ARRDC2: variants seen among roughly 807,000 people sequenced by gnomAD.
ARRDC2 encodes arrestin domain-containing protein 2.
A neutral mutation model predicts 38.9 loss-of-function variants in ARRDC2; 39 were observed. The observed-to-expected ratio is 1.00, with a 90% confidence interval of 0.78 to 1.31. ARRDC2 has a LOEUF of 1.31. ARRDC2 is among the 50% of genes most tolerant of loss of function. The probability of loss-of-function intolerance (pLI) is 0.00; values close to 1 mark genes in which losing one functional copy is unlikely to be tolerated. For synonymous variants in ARRDC2, 300 were observed against 261.9 expected (o/e 1.15, Z -1.41); for missense variants, 553 against 588.4 (o/e 0.94, Z 0.62).
chr19:18,010,012 C>T lies in ARRDC2; in HGVS notation c.822C>T (p.Arg274=). The T allele has an allele frequency of 3.1e-6, 5 of 1,596,740 alleles. No individual in the cohort carries two copies. Among genetic ancestry groups the T allele is most frequent in the Non-Finnish European group, 4.2e-6 (5 of 1,177,564 alleles). The change falls in exon 5 of 8, where the codon CGC becomes CGT. Residue 274 remains arginine, a synonymous_variant. Coordinates refer to ENST00000222250, the MANE Select transcript of ARRDC2 (RefSeq NM_015683.2). ...TGGGTCCTTCCATCCTGCACTGCCG[C>T]GTTCTACACGTGGACTACGCACTCA... The part of the protein sequence containing the change: ...PPVGPSILHC[R]VLHVDYALKV...
chr19:18,011,429 G>A (rs991594523), intron 7 of ARRDC2, among the ~76,000 whole-genome samples: 4 of 152,116 alleles, frequency 2.6e-5, no homozygotes, highest in South Asian at 2.1e-4. Flanking sequence ...CACTGTGCCC[G>A]GCTGGCAGAG....
chr19:18,006,213 C>G (rs1452877417), upstream of ARRDC2, among the ~76,000 whole-genome samples: 2 of 151,884 alleles, frequency 1.3e-5, no homozygotes, highest in Non-Finnish European at 2.9e-5. Context: ...CTCCTCACTT[C>G]CCAGACGGGG....
rs77914712 is a variant in ARRDC2 at position 18,008,652 on chromosome 19, C to T, written c.275-59C>T. 7,605 of 1,605,332 alleles carry T rather than the reference C, an allele frequency of 4.7e-3. 265 individuals carry two copies. In the African/African-American group the frequency reaches 0.081, roughly 17 times the overall value. ...CCCACCACCTGGACGGCGGTACCTC[C>T]GTCAGCCCTGGGACCCCAGCGCAAC... On this transcript the variant is annotated intron_variant, in intron 1 of 7. Coordinates refer to ENST00000222250, the MANE Select transcript of ARRDC2 (RefSeq NM_015683.2).
At chr19:18,001,695 GA>G in intron 1 of ARRDC2, 1 of 1,156,184 alleles carries the variant, frequency 8.6e-7, no homozygotes, top group East Asian at 3.2e-5. Context: ...CAAGGAGGGG[GA>G]AACCCCCTTC....
chr19:18,008,115 G>GTGGCCCC, upstream of ARRDC2: 1 of 810,032 alleles, frequency 1.2e-6, no homozygotes, highest in Non-Finnish European at 1.7e-6. Context: ...AAGAGACGGT[G>GTGGCCCC]ACCCCACCCC....
chr19:18,011,952 A>ATATTTTTT (rs1408676551), intron 7 of ARRDC2, among the ~76,000 whole-genome samples: 1 of 100,780 alleles, frequency 9.9e-6, no homozygotes, highest in African/African-American at 4.3e-5. Flanking sequence ...ATATATATAT[A>ATATTTTTT]TTTTTTTTTT....
In ARRDC2 at chr19:18,008,270, A is replaced by T; in HGVS notation, c.-41A>T. ...CTTGAGCTGCCGGTTCGCGAGTTCGAGGCCAGGTTCCGCCTGTCGTGGGTT... is the reference window on the plus strand; with the variant it reads ...CTTGAGCTGCCGGTTCGCGAGTTCGTGGCCAGGTTCCGCCTGTCGTGGGTT... On this transcript the variant is annotated 5_prime_UTR_variant, in exon 1 of 8. Transcript: ENST00000222250. The T allele has an allele frequency of 6.4e-7, 1 of 1,569,378 alleles. No homozygotes were observed. Among genetic ancestry groups the T allele is most frequent in the Non-Finnish European group, 8.6e-7 (1 of 1,169,004 alleles).
chr19:18,004,582 A>G (rs1599393255), upstream of ARRDC2, among the ~76,000 whole-genome samples: 2 of 104,836 alleles, frequency 1.9e-5, no homozygotes, highest in Non-Finnish European at 4.2e-5. Context: ...CCAGCTACTC[A>G]GGGGGCTAAG....
rs751732379 is a variant in ARRDC2 at position 18,009,967 on chromosome 19, G to T, written c.777G>T (p.Arg259=). 3 of 1,603,572 alleles carry T rather than the reference G, an allele frequency of 1.9e-6. No homozygotes were observed. The highest frequency in any genetic ancestry group is 2.5e-6 in the Non-Finnish European group (3 of 1,179,628). The change falls in exon 5 of 8, where the codon CGG becomes CGT. Residue 259 remains arginine, a synonymous_variant. Coordinates refer to ENST00000222250, the MANE Select transcript of ARRDC2 (RefSeq NM_015683.2). ...GPGQRALWQG[R]ALRIPPVGPS... is the part of the protein sequence containing the mutation. ...GGCAGCGGGCGCTGTGGCAGGGCCGGGCACTGCGGATCCCCCCAGTGGGTC... is the reference window on the plus strand; with the variant it reads ...GGCAGCGGGCGCTGTGGCAGGGCCGTGCACTGCGGATCCCCCCAGTGGGTC...
rs76941687 is a variant in ARRDC2, at chr19:18,009,012, G to A, written c.383G>A (p.Arg128His). 1.9e-4 allele frequency: 303 copies of A among 1,613,734 alleles called. No homozygotes were observed. The African/African-American group carries it at 3.6e-3, about 19-fold the overall frequency. Residue 128 changes from arginine to histidine, a missense_variant, in exon 3 of 8, where the codon CGC becomes CAC. Physicochemically the swap from Arg to His is conservative, Grantham distance 29. Around this residue, in one of 3 missense-constraint regions of ARRDC2, gnomAD observed 447 missense variants for 456.6 expected, o/e 0.98. Coordinates refer to ENST00000222250, the MANE Select transcript of ARRDC2 (RefSeq NM_015683.2). ...TTCGAGGGCAAACACGGTAGTGTCCGCTACTGTATCAAGGCCACCCTGCAC... is the reference window on the plus strand; with the variant it reads ...TTCGAGGGCAAACACGGTAGTGTCCACTACTGTATCAAGGCCACCCTGCAC... The part of the protein sequence containing the change: ...TSFEGKHGSV[R>H]YCIKATLHRP...
rs552021962 is a variant in ARRDC2, at chr19:18,008,587, A to G, written c.274+3A>G. The G allele has an allele frequency of 1.3e-6, 2 of 1,590,182 alleles. No individual in the cohort carries two copies. Among genetic ancestry groups the G allele is most frequent in the Non-Finnish European group, 8.5e-7 (1 of 1,175,392 alleles). On this transcript the variant is annotated splice_donor_region_variant and intron_variant, in intron 1 of 7. Coordinates refer to ENST00000222250, the MANE Select transcript of ARRDC2 (RefSeq NM_015683.2). ...CCGCGCCACGCTCCTGGCGCCAGGT[A>G]CGGATGGAGGACCCCTGCTCCAACA...
chr19:18,008,556 G>T lies in ARRDC2; in HGVS notation c.246G>T (p.Val82=), dbSNP rs2033333106. 2 of 1,572,044 alleles carry T rather than the reference G, an allele frequency of 1.3e-6. No individual in the cohort carries two copies. Among genetic ancestry groups the T allele is most frequent in the African/African-American group, 2.7e-5 (2 of 74,214 alleles). The change falls in exon 1 of 8, where the codon GTG becomes GTT. Residue 82 remains valine (V), a synonymous_variant. Coordinates refer to ENST00000222250, the MANE Select transcript of ARRDC2 (RefSeq NM_015683.2). ...GCTACAGTGAACGCGTGGAGGTCGT[G>T]AGCCACCGCGCCACGCTCCTGGCGC... ...TQSYSERVEV[V]SHRATLLAPD... is the part of the protein sequence containing the mutation.
intron 3 of ARRDC2, 79 bp downstream of exon 3, chr19:18,009,197 A>C (rs1342463742): frequency 3.3e-6 from 5 of 1,525,420 alleles, no homozygotes; most frequent in East Asian, 4.8e-5. Flanking sequence ...ACACCAACCA[A>C]TAAGATGGAG....
upstream of ARRDC2, among the ~76,000 whole-genome samples, chr19:18,005,016 AT>A (rs138618373): frequency 0.064 from 9,588 of 148,696 alleles, 375 homozygotes; most frequent in Admixed American, 0.13. Flanking sequence ...TTTAAAAAAA[AT>A]TTTTTTTTTT....
chr19:18,004,658 C>T (rs191317632), upstream of ARRDC2, among the ~76,000 whole-genome samples: 106 of 151,082 alleles, frequency 7.0e-4, no homozygotes, highest in Non-Finnish European at 1.3e-3. Flanking sequence ...CACTGCACTA[C>T]AGCCTGGGTG....
chr19:18,004,270 G>A (rs1271282223), upstream of ARRDC2, among the ~76,000 whole-genome samples: 8 of 140,478 alleles, frequency 5.7e-5, no homozygotes, highest in African/African-American at 8.0e-5. Flanking sequence ...TTTTTTAGGC[G>A]GAATTTCACT....
At position 18,010,630 on chromosome 19, in the gene ARRDC2, C is replaced by T. The variant is rs1186659786; in HGVS notation, c.1071C>T (p.Ser357=). 3 of 1,613,712 alleles carry T rather than the reference C, an allele frequency of 1.9e-6. No homozygotes were observed. Among genetic ancestry groups the T allele is most frequent in the Admixed American group, 3.3e-5 (2 of 59,996 alleles). Residue 357 remains serine, a synonymous_variant, in exon 7 of 8, where the codon AGC becomes AGT. Coordinates refer to ENST00000222250, the MANE Select transcript of ARRDC2 (RefSeq NM_015683.2). ...CTGAGGAGGCAGCCTTGGGGCAGAG[C>T]CCCTTCCCGCTTCCGCAGGACCCCG... The part of the protein sequence containing the change: ...ADTEEAALGQ[S]PFPLPQDPDM...
upstream of ARRDC2, chr19:18,008,119 C>CCCCCCCCCCCCCCCCCCCCCG: frequency 1.9e-6 from 1 of 530,448 alleles, no homozygotes; most frequent in Non-Finnish European, 2.8e-6. Flanking sequence ...GACGGTGACC[C>CCCCCCCCCCCCCCCCCCCCCG]CACCCCCCCC....
In ARRDC2 at chr19:18,008,974, C is replaced by A; in HGVS notation, c.345C>A (p.Thr115=). 6.2e-7 allele frequency: 1 copy of A among 1,613,606 alleles called. No individual in the cohort carries two copies. The highest frequency in any genetic ancestry group is 8.5e-7 in the Non-Finnish European group (1 of 1,179,920). Residue 115 remains threonine, a synonymous_variant, in exon 3 of 8, where the codon ACC becomes ACA. Coordinates refer to ENST00000222250, the MANE Select transcript of ARRDC2 (RefSeq NM_015683.2). The stretch of plus-strand genomic sequence containing the variant: ...AAGTCCCGTCCCTCCACCCTAGGAC[C>A]CTGGTGACATCCTTCGAGGGCAAAC... The part of the protein sequence containing the change: ...EFLFSFQLPP[T]LVTSFEGKHG...
Sources: gnomAD v4.1 joint callset for allele counts (sites outside exome capture counted in the v4.1 genomes callset) on GRCh38, gnomAD v4.1.1 for gene constraint, gnomAD v4.1.1 regional missense constraint, MANE v1.5 for transcripts, NCBI Gene and HGNC (gene_info 2026-07-23, HGNC 2026-07-21) for gene names.